The following PCDH15 variants were observed in gnomAD, a reference collection of about 807,000 sequenced individuals.
PCDH15 encodes protocadherin related 15.
PCDH15 carries 129 observed loss-of-function variants against 178.5 expected under a neutral mutation model. The ratio of observed to expected loss-of-function variants is 0.72; its 90% CI spans 0.63 to 0.84. The LOEUF is 0.84. Among genes scored for constraint, PCDH15 ranks in the 40% least tolerant of loss-of-function variants. The pLI is 0.00. For missense variants in PCDH15, 2,230 were observed against 2,099.9 expected (o/e 1.06, Z -1.21); for synonymous variants, 800 against 732.0 (o/e 1.09, Z -1.50).
At chr10:54,138,077 GGCC>G (rs1419979600) in intron 14 of PCDH15, among the ~76,000 whole-genome samples, 2 of 152,068 alleles carry the variant, frequency 1.3e-5, no homozygotes, top group African/African-American at 4.8e-5. Flanking sequence ...GTTCTTTGTG[GGCC>G]TGGACAGCAT....
chr10:54,944,446 C>T (rs535308924), intron 2 of PCDH15, among the ~76,000 whole-genome samples: 137 of 151,924 alleles, frequency 9.0e-4, no homozygotes, highest in African/African-American at 2.9e-3. Flanking sequence ...GGTTGAGAAG[C>T]GCAAGATTAA....
chr10:54,625,305 G>A (rs998728193), intron 2 of PCDH15, among the ~76,000 whole-genome samples: 3 of 152,248 alleles, frequency 2.0e-5, no homozygotes, highest in Admixed American at 1.3e-4. Flanking sequence ...ATTTCACAAC[G>A]ACAAGGAAAG....
chr10:54,409,400 A>G (rs1377545982), intron 3 of PCDH15, among the ~76,000 whole-genome samples: 1 of 152,088 alleles, frequency 6.6e-6, no homozygotes, highest in East Asian at 1.9e-4. Flanking sequence ...TGAAGAAGCT[A>G]GGGTATATTG....
Position 54,198,516 on chromosome 10 carries a change from T to TTTTTG in PCDH15, c.1099-2628_1099-2627insCAAAA, listed in dbSNP as rs1196587354. On this transcript the variant is annotated intron_variant, in intron 10 of 37. Coordinates refer to ENST00000644397, the MANE Select transcript of PCDH15 (RefSeq NM_001384140.1). The stretch of plus-strand genomic sequence containing the variant: ...TATTCTTTTTTTTTTTTTTTTTTTT[T>TTTTTG]TTTGAGACAAAGTCTCGCTCTGTCG... 1.3e-4 allele frequency among the ~76,000 whole-genome samples: 6 copies of TTTTTG among 47,350 alleles called. 2 individuals are homozygous for TTTTTG. The African/African-American group carries it at 1.3e-3, about 10-fold the overall frequency. The allele number at this position is 47,350 out of a possible 152,430, so 31.1% of individuals were successfully genotyped here.
At position 55,297,805 on chromosome 10, in the gene PCDH15, C is replaced by A. The variant is rs1843171187; in HGVS notation, c.-156+21794G>T. ...AGAATGAAAAATGAACACAAATTTA[C>A]AAACTAAATAGTTGCACAGATAAAA... is the stretch of plus-strand genomic sequence containing the variant. On this transcript the variant is annotated intron_variant, in intron 1 of 5. Coordinates refer to the PCDH15 transcript ENST00000458638. 1.3e-5 allele frequency among the ~76,000 whole-genome samples: 2 copies of A among 152,050 alleles called. 1 individual carries two copies.
intron 15 of PCDH15, among the ~76,000 whole-genome samples, chr10:54,120,225 T>C (rs566384331): frequency 2.0e-5 from 3 of 152,268 alleles, no homozygotes; most frequent in Non-Finnish European, 2.9e-5. Flanking sequence ...ACTAAGAATA[T>C]TTGTTACCAC....
intron 2 of PCDH15, among the ~76,000 whole-genome samples, chr10:54,950,645 A>T (rs796240962): frequency 1.8e-4 from 27 of 152,024 alleles, no homozygotes; most frequent in African/African-American, 6.3e-4. Context: ...GACTAATACA[A>T]GAATGAACAC....
At position 54,033,075 on chromosome 10, in the gene PCDH15, G is replaced by T. The variant is rs73235722; in HGVS notation, c.2221-9878C>A. Among the ~76,000 whole-genome samples the T allele has an allele frequency of 4.5e-3, 683 of 151,926 alleles. 5 individuals are homozygous for T. The highest frequency in any genetic ancestry group is 0.02 in the Middle Eastern group (6 of 294). On this transcript the variant is annotated intron_variant, in intron 18 of 37. Transcript: ENST00000644397. ...CCTCAACACATGGGGATTACAAATC[G>T]AGATGAGATTTGGGTTGGTACACAC... is the stretch of plus-strand genomic sequence containing the variant.
At chr10:55,153,954 G>A (rs1302318571) in intron 2 of PCDH15, among the ~76,000 whole-genome samples, 1 of 152,134 alleles carries the variant, frequency 6.6e-6, no homozygotes, top group Non-Finnish European at 1.5e-5. Context: ...TTACAAATTG[G>A]CTTTCTCATT....
At chr10:54,929,335 C>A (rs1313888694) in intron 2 of PCDH15, among the ~76,000 whole-genome samples, 2 of 152,118 alleles carry the variant, frequency 1.3e-5, no homozygotes, top group African/African-American at 4.8e-5. Context: ...GGTCACTACA[C>A]TTCAATGGGT....
intron 1 of PCDH15, among the ~76,000 whole-genome samples, chr10:54,787,211 G>A (rs1179709201): frequency 1.3e-5 from 2 of 151,168 alleles, no homozygotes; most frequent in Admixed American, 6.6e-5. Flanking sequence ...CTAAAAGCAG[G>A]GTATAAATAT....
At chr10:54,562,655 A>G (rs2088357945) in intron 2 of PCDH15, among the ~76,000 whole-genome samples, 1 of 152,150 alleles carries the variant, frequency 6.6e-6, no homozygotes, top group Non-Finnish European at 1.5e-5. Flanking sequence ...ACAAGTATAC[A>G]TAGCACATGC....
chr10:55,064,754 AG>A (rs1841520946), intron 2 of PCDH15, among the ~76,000 whole-genome samples: 1 of 152,218 alleles, frequency 6.6e-6, no homozygotes, highest in East Asian at 1.9e-4. Flanking sequence ...TCATCAGTAA[AG>A]CTTTGTGATA....
intron 2 of PCDH15, among the ~76,000 whole-genome samples, chr10:55,465,468 G>A (rs773551364): frequency 6.6e-6 from 1 of 152,064 alleles, no homozygotes; most frequent in Non-Finnish European, 1.5e-5. Context: ...TAGGACCAAT[G>A]GCAGAGCTTT....
At chr10:55,173,309 A>ATGTGTGTGTGTGTGTGTGTGTGTGTGTG (rs775260037) in intron 1 of PCDH15, among the ~76,000 whole-genome samples, 11 of 133,126 alleles carry the variant, frequency 8.3e-5, no homozygotes, top group Non-Finnish European at 1.1e-4. Flanking sequence ...TAGAAAGATT[A>ATGTGTGTGTGTGTGTGTGTGTGTGTGTG]TGTGTGTGTG....
intron 2 of PCDH15, among the ~76,000 whole-genome samples, chr10:55,001,255 C>T (rs991552905): frequency 1.3e-5 from 2 of 152,174 alleles, no homozygotes; most frequent in African/African-American, 4.8e-5. Context: ...TTCTTCCTTG[C>T]TCACCTTCCA....
intron 2 of PCDH15, among the ~76,000 whole-genome samples, chr10:55,151,676 A>C (rs574461897): frequency 2.0e-5 from 3 of 152,222 alleles, no homozygotes; most frequent in African/African-American, 7.2e-5. Context: ...CCATGTGGTA[A>C]GATCAAACAG....
rs1298322527 is a variant in PCDH15 at position 55,463,890 on chromosome 10, G to GGAGA, written c.-156+163731_-156+163734dup. 1.1e-3 allele frequency among the ~76,000 whole-genome samples: 13 copies of GGAGA among 12,228 alleles called. 2 individuals are homozygous for GGAGA. The highest frequency in any genetic ancestry group is 1.4e-3 in the Non-Finnish European group (11 of 8,140). The allele number at this position is 12,228 out of a possible 152,430, so 8.0% of individuals were successfully genotyped here. On this transcript the variant is annotated intron_variant, in intron 2 of 5. Transcript: ENST00000613346. ...GAAAGAAAGAGAGAGAGAAAGAGAG[G>GGAGA]GAGAGAGAGAGAAAGAAAGAAAGAA...
chr10:55,215,544 C>T (rs577619788), intron 1 of PCDH15, among the ~76,000 whole-genome samples: 128 of 152,154 alleles, frequency 8.4e-4, no homozygotes, highest in Middle Eastern at 3.4e-3. Flanking sequence ...GAAAACAACA[C>T]AGGTCACATG....
Sources: allele counts gnomAD v4.1 joint callset (sites outside exome capture counted in the v4.1 genomes callset), GRCh38; gene constraint gnomAD v4.1.1; transcripts MANE v1.5; gene names NCBI Gene and HGNC (gene_info 2026-07-23, HGNC 2026-07-21).